MBNL1: variants seen among roughly 807,000 people sequenced by gnomAD.
MBNL1 encodes the protein muscleblind like splicing regulator 1.
Under a neutral mutation model 42.2 loss-of-function variants are expected in MBNL1, and 8 were observed. The ratio of observed to expected loss-of-function variants is 0.19; its 90% CI spans 0.11 to 0.34. The LOEUF is 0.34. Among genes scored for constraint, MBNL1 ranks in the 10% least tolerant of loss-of-function variants. MBNL1 has a pLI of 1.00. For synonymous variants in MBNL1, 169 were observed against 173.9 expected, an observed-to-expected ratio of 0.97 and a Z score of 0.22; for missense variants, 309 against 495.3, an observed-to-expected ratio of 0.62 and a Z score of 3.57.
At chr3:152,310,279 A>G (rs754523194) in intron 2 of MBNL1, among the ~76,000 whole-genome samples, 12 of 152,222 alleles carry the variant, frequency 7.9e-5, no homozygotes, top group Admixed American at 2.6e-4. Context: ...ATGTAGAAAC[A>G]GCTAATTTTA....
chr3:152,311,077 C>T (rs977638852), intron 2 of MBNL1, among the ~76,000 whole-genome samples: 2 of 137,814 alleles, frequency 1.5e-5, no homozygotes, highest in African/African-American at 2.7e-5. Context: ...GGTGCCATCT[C>T]AGCTTACTGC....
intron 3 of MBNL1, among the ~76,000 whole-genome samples, chr3:152,429,816 G>C (rs963005384): frequency 6.6e-6 from 1 of 152,094 alleles, no homozygotes; most frequent in Non-Finnish European, 1.5e-5. Context: ...GTGTGTGTCT[G>C]TCTGTCTGTC....
chr3:152,327,176 G>A (rs561166590), intron 2 of MBNL1, among the ~76,000 whole-genome samples: 1 of 151,850 alleles, frequency 6.6e-6, no homozygotes, highest in Non-Finnish European at 1.5e-5. Context: ...TTGTTCCTAT[G>A]GTAATATTAT....
At chr3:152,287,825 A>T (rs2053466296) in intron 1 of MBNL1, among the ~76,000 whole-genome samples, 1 of 152,244 alleles carries the variant, frequency 6.6e-6, no homozygotes. Flanking sequence ...TCGCTGTCTC[A>T]TTAAAAGGAT....
chr3:152,320,832 A>G (rs1051314576), intron 2 of MBNL1, among the ~76,000 whole-genome samples: 1 of 151,898 alleles, frequency 6.6e-6, no homozygotes, highest in Non-Finnish European at 1.5e-5. Flanking sequence ...AATAGCACTA[A>G]CAAGGACATA....
intron 6 of MBNL1, among the ~76,000 whole-genome samples, chr3:152,454,364 A>G (rs532235634): frequency 1.3e-5 from 2 of 152,278 alleles, no homozygotes; most frequent in South Asian, 4.1e-4. Flanking sequence ...GACGAGATTC[A>G]TTTGGCAGAT....
At chr3:152,407,198 G>A (rs1045025618) in intron 2 of MBNL1, among the ~76,000 whole-genome samples, 3 of 141,110 alleles carry the variant, frequency 2.1e-5, no homozygotes, top group South Asian at 2.2e-4. Flanking sequence ...TTATATCAGT[G>A]GAAATATGTT....
rs368620812 is a variant in MBNL1 at position 152,280,512 on chromosome 3, A to G, written c.-790+11420A>G. Among the ~76,000 whole-genome samples the G allele has an allele frequency of 4.6e-5, 7 of 152,194 alleles. 1 individual carries two copies. In the East Asian group the frequency reaches 1.4e-3, roughly 29 times the overall value. On this transcript the variant is annotated intron_variant, in intron 1 of 9. Coordinates refer to ENST00000324210, the MANE Select transcript of MBNL1 (RefSeq NM_021038.5). ...ATTTCTGATGCTGGCAGTTTTGGAG[A>G]AAGGTGGGCACATACGGTTCATCTG...
At position 152,350,229 on chromosome 3, in the gene MBNL1, G is replaced by A. The variant is rs557305350; in HGVS notation, c.174+49862G>A. Among the ~76,000 whole-genome samples the A allele has an allele frequency of 2.0e-5, 3 of 152,212 alleles. No individual in the cohort carries two copies. The South Asian group carries it at 6.2e-4, about 32-fold the overall frequency. On this transcript the variant is annotated intron_variant, in intron 2 of 9. Transcript: ENST00000324210. ...GAGAAAAACATTCAGAAAGTAACTA[G>A]TTATTCTATAGAGAAGACAAGAAAT...
chr3:152,361,882 C>G (rs2095988173), intron 2 of MBNL1, among the ~76,000 whole-genome samples: 1 of 152,096 alleles, frequency 6.6e-6, no homozygotes, highest in Admixed American at 6.6e-5. Context: ...TTTATCTTAC[C>G]TAAGAATTTT....
intron 8 of MBNL1, chr3:152,458,208 A>C (rs1218801107): frequency 6.2e-7 from 1 of 1,612,752 alleles, no homozygotes; most frequent in East Asian, 2.2e-5. Context: ...GAGAAGCTTC[A>C]TTATGCTTGG....
At chr3:152,298,098 A>G (rs1301289920) in intron 1 of MBNL1, among the ~76,000 whole-genome samples, 1 of 152,130 alleles carries the variant, frequency 6.6e-6, no homozygotes, top group Non-Finnish European at 1.5e-5. Context: ...CGTGTTTTTT[A>G]ATGTACGTAT....
chr3:152,374,722 A>G (rs2096825879), intron 2 of MBNL1, among the ~76,000 whole-genome samples: 1 of 152,224 alleles, frequency 6.6e-6, no homozygotes, highest in African/African-American at 2.4e-5. Flanking sequence ...TAAATGGAAA[A>G]GTAGAGGAAG....
At chr3:152,407,254 GA>G (rs1266278950) in intron 2 of MBNL1, among the ~76,000 whole-genome samples, 6 of 113,754 alleles carry the variant, frequency 5.3e-5, no homozygotes, top group East Asian at 2.6e-4. Flanking sequence ...TCACTGGTAC[GA>G]AAAAAATCTC....
At chr3:152,258,561 AG>A (rs1225570261) in intron 2 of MBNL1, among the ~76,000 whole-genome samples, 1 of 152,210 alleles carries the variant, frequency 6.6e-6, no homozygotes, top group African/African-American at 2.4e-5. Context: ...CCAACAACAA[AG>A]GCAGCAGGGC....
intron 1 of MBNL1, 68 bp from the exon 2 acceptor site, chr3:152,299,337 G>T (rs1171499875): frequency 5.3e-6 from 1 of 189,528 alleles, no homozygotes; most frequent in East Asian, 1.2e-4. Flanking sequence ...ACATGGCAAG[G>T]TTGTGATACT....
At chr3:152,281,623 T>C (rs1180375825) in intron 1 of MBNL1, among the ~76,000 whole-genome samples, 1 of 152,072 alleles carries the variant, frequency 6.6e-6, no homozygotes, top group African/African-American at 2.4e-5. Flanking sequence ...TCAAAATCAT[T>C]ACCACCTGTG....
chr3:152,389,200 G>A (rs965907536), intron 2 of MBNL1, among the ~76,000 whole-genome samples: 7 of 151,766 alleles, frequency 4.6e-5, no homozygotes, highest in African/African-American at 1.5e-4. Context: ...TCGATTCTCC[G>A]GCCTCAGCCT....
chr3:152,377,712 A>G (rs2096972661), intron 2 of MBNL1, among the ~76,000 whole-genome samples: 1 of 152,198 alleles, frequency 6.6e-6, no homozygotes, highest in South Asian at 2.1e-4. Flanking sequence ...TTTAACATTG[A>G]GTAAATTAAC....
Sources: allele counts gnomAD v4.1 joint callset (sites outside exome capture counted in the v4.1 genomes callset), GRCh38; gene constraint gnomAD v4.1.1; transcripts MANE v1.5; gene names NCBI Gene and HGNC (gene_info 2026-07-23, HGNC 2026-07-21).